PSMD12: variants seen among roughly 807,000 people sequenced by gnomAD.
PSMD12 encodes the protein proteasome 26S subunit, non-ATPase 12.
A neutral mutation model predicts 62.9 loss-of-function variants in PSMD12; 8 were observed. The ratio of observed to expected loss-of-function variants is 0.13; its 90% CI spans 0.07 to 0.23. PSMD12 has a LOEUF of 0.23. Ranked by LOEUF, PSMD12 falls within the 10% of genes least tolerant of loss-of-function variation. The probability of loss-of-function intolerance (pLI) is 1.00; values close to 1 mark genes in which losing one functional copy is unlikely to be tolerated. For synonymous variants in PSMD12, 173 were observed against 187.4 expected (o/e 0.92, Z 0.63); for missense variants, 424 against 550.2 (o/e 0.77, Z 2.29).
chr17:67,353,309 C>A (rs2042035524), intron 3 of PSMD12, among the ~76,000 whole-genome samples: 1 of 150,618 alleles, frequency 6.6e-6, no homozygotes, highest in Non-Finnish European at 1.5e-5. Context: ...CTTCCTCCTT[C>A]CCCCCGCTCC....
chr17:67,343,291 G>C (rs1348107984), intron 9 of PSMD12, among the ~76,000 whole-genome samples: 1 of 152,128 alleles, frequency 6.6e-6, no homozygotes, highest in East Asian at 1.9e-4. Context: ...CATGCTTTAA[G>C]TCTAATCAAT....
intron 3 of PSMD12, 195 bp downstream of exon 3, chr17:67,357,108 G>C (rs2042082195): frequency 1.8e-6 from 1 of 544,056 alleles, no homozygotes; most frequent in African/African-American, 1.9e-5. Context: ...TTAAAAATAT[G>C]CAAACATATA....
At chr17:67,351,881 G>A (rs1158072070) in intron 3 of PSMD12, among the ~76,000 whole-genome samples, 4 of 151,170 alleles carry the variant, frequency 2.6e-5, no homozygotes, top group South Asian at 4.2e-4. Flanking sequence ...GGCGGATCAC[G>A]AGGTCAAGAG....
At chr17:67,363,159 T>C (rs563854123) in intron 1 of PSMD12, among the ~76,000 whole-genome samples, 66 of 152,256 alleles carry the variant, frequency 4.3e-4, no homozygotes, top group African/African-American at 1.5e-3. Flanking sequence ...TATACAACTT[T>C]TTTTTTTTAA....
rs985855778 is a variant in PSMD12, at chr17:67,339,784, C to T, written c.*1059G>A. The T allele has an allele frequency of 6.6e-5, 10 of 151,856 alleles. No individual in the cohort carries two copies. The East Asian group carries it at 1.7e-3, about 26-fold the overall frequency. 9.4% of individuals were successfully genotyped at this position (151,856 alleles called of 1,614,324 possible). On this transcript the variant is annotated 3_prime_UTR_variant, in exon 11 of 11. Transcript: ENST00000356126. ...TAAATCAAATTAAACTTGCAAAATT[C>T]GTTCACACCAATTCATCTCAGGTGT...
chr17:67,352,013 C>T (rs2042023154), intron 3 of PSMD12, among the ~76,000 whole-genome samples: 1 of 150,644 alleles, frequency 6.6e-6, no homozygotes, highest in Non-Finnish European at 1.5e-5. Context: ...AGGAGAATTG[C>T]TTGAACCCAG....
chr17:67,358,580 A>AAAAG (rs1223819768), intron 1 of PSMD12, among the ~76,000 whole-genome samples: 2 of 150,662 alleles, frequency 1.3e-5, no homozygotes, highest in Non-Finnish European at 3.0e-5. Context: ...AAAAAAAAAA[A>AAAAG]AAAAAAGAAA....
At chr17:67,361,278 A>C (rs1460572234) in intron 1 of PSMD12, 1 of 152,214 alleles carries the variant, frequency 6.6e-6, no homozygotes, top group African/African-American at 2.4e-5. Flanking sequence ...AAGAAAGAAA[A>C]AGGCTAATAA....
intron 3 of PSMD12, chr17:67,355,560 A>C (rs1199182355): frequency 1.3e-5 from 2 of 152,206 alleles, no homozygotes. Context: ...CTATATATCT[A>C]TTTTTGGTTC....
chr17:67,344,917 TTG>T, intron 8 of PSMD12, 137 bp from the exon 9 acceptor site: 1 of 720,122 alleles, frequency 1.4e-6, no homozygotes, highest in East Asian at 2.8e-5. Context: ...CATATGATTA[TTG>T]TGTATTTTAC....
chr17:67,356,010 G>GCA (rs1188491867), intron 3 of PSMD12, among the ~76,000 whole-genome samples: 24 of 100,420 alleles, frequency 2.4e-4, no homozygotes, highest in African/African-American at 5.9e-4. Flanking sequence ...ACACACACAC[G>GCA]CACACACACA....
rs776619080 is a variant in PSMD12 at position 67,345,749 on chromosome 17, A to G, written c.904T>C (p.Tyr302His). 6.3e-7 allele frequency: 1 copy of G among 1,598,446 alleles called. No homozygotes were observed. Among genetic ancestry groups the G allele is most frequent in the Non-Finnish European group, 8.6e-7 (1 of 1,166,954 alleles). ...GCTAATTTCAAAAGTACTTACTTGT[A>G]TTTGGGAATTTCTTCTAACTTCTTG... The part of the protein sequence containing the change: ...GDKKLEEIPK[Y>H]KDLLKLFTTM... The change falls in exon 8 of 11, where the codon TAC becomes CAC. Residue 302 changes from tyrosine to histidine, a missense_variant. Tyr to His is a moderately conservative substitution (Grantham distance 83, BLOSUM62 2). Transcript: ENST00000356126.
At chr17:67,348,806 T>C in intron 4 of PSMD12, 152 bp from the exon 5 acceptor site, 1 of 627,296 alleles carries the variant, frequency 1.6e-6, no homozygotes, top group Non-Finnish European at 2.7e-6. Flanking sequence ...GAGACCAGCC[T>C]GGGAAACATG....
chr17:67,345,534 C>T lies in PSMD12; in HGVS notation c.908+211G>A, dbSNP rs981542702. ...GCGGGTGCCTGTAATCCCGGCTACT[C>T]GGAAGGTTGAGGCAGAAGAATCACT... On this transcript the variant is annotated intron_variant, in intron 8 of 10. Coordinates refer to ENST00000356126, the MANE Select transcript of PSMD12 (RefSeq NM_002816.5). The T allele has an allele frequency of 2.5e-5, 12 of 472,756 alleles. 1 individual carries two copies. Among genetic ancestry groups the T allele is most frequent in the South Asian group, 1.6e-4 (6 of 37,732 alleles). The allele number at this position is 472,756 out of a possible 1,614,324, so 29.3% of individuals were successfully genotyped here.
chr17:67,361,356 C>T (rs2042126223), intron 1 of PSMD12: 1 of 152,092 alleles, frequency 6.6e-6, no homozygotes, highest in African/African-American at 2.4e-5. Flanking sequence ...CCAAGACGGG[C>T]AGATCACTTG....
At chr17:67,355,451 C>T (rs1226429048) in intron 3 of PSMD12, 1 of 152,146 alleles carries the variant, frequency 6.6e-6, no homozygotes, top group Non-Finnish European at 1.5e-5. Flanking sequence ...AAATCAATTA[C>T]AGTAACTGAC....
At chr17:67,357,990 C>T (rs933904949) in intron 1 of PSMD12, among the ~76,000 whole-genome samples, 5 of 151,758 alleles carry the variant, frequency 3.3e-5, no homozygotes, top group Non-Finnish European at 7.4e-5. Context: ...GGCACCATCT[C>T]GGCTCACTGC....
chr17:67,346,114 C>T (rs1200349850), intron 7 of PSMD12, among the ~76,000 whole-genome samples: 4 of 152,060 alleles, frequency 2.6e-5, no homozygotes, highest in Non-Finnish European at 4.4e-5. Context: ...AAAATTAGGC[C>T]GGGCACGGTG....
intron 1 of PSMD12, among the ~76,000 whole-genome samples, chr17:67,358,581 AAAAAAG>A (rs1445115201): frequency 6.6e-6 from 1 of 150,674 alleles, no homozygotes; most frequent in African/African-American, 2.4e-5. Flanking sequence ...AAAAAAAAAA[AAAAAAG>A]AAAAGAAAAA....
Sources: gnomAD v4.1 joint callset for allele counts (sites outside exome capture counted in the v4.1 genomes callset) on GRCh38, gnomAD v4.1.1 for gene constraint, MANE v1.5 for transcripts, NCBI Gene and HGNC (gene_info 2026-07-23, HGNC 2026-07-21) for gene names.